SHLD1: variants seen among roughly 807,000 people sequenced by gnomAD.
SHLD1 encodes shieldin complex subunit 1.
Under a neutral mutation model 5.5 loss-of-function variants are expected in SHLD1, and 3 were observed. That is an observed-to-expected ratio of 0.54 (90% CI 0.25 to 1.40). The LOEUF (loss-of-function observed/expected upper bound fraction) is 1.40, where lower values mean the gene tolerates loss of function less well. SHLD1 is among the 40% of genes most tolerant of loss of function. The probability of loss-of-function intolerance (pLI) is 0.15; values close to 1 mark genes in which losing one functional copy is unlikely to be tolerated. For missense variants in SHLD1, 210 were observed against 244.4 expected, an observed-to-expected ratio of 0.86 and a Z score of 0.94; for synonymous variants, 92 against 94.3, an observed-to-expected ratio of 0.98 and a Z score of 0.14.
intron 2 of SHLD1, among the ~76,000 whole-genome samples, chr20:5,841,926 G>C (rs1053661239): frequency 6.6e-6 from 1 of 152,226 alleles, no homozygotes; most frequent in African/African-American, 2.4e-5. Context: ...GGAAGATAAA[G>C]TTACTTAAAA....
intron 1 of SHLD1, among the ~76,000 whole-genome samples, chr20:5,763,290 CAAAAAAAAAAA>C (rs57863188): frequency 6.9e-5 from 4 of 58,120 alleles, no homozygotes; most frequent in Non-Finnish European, 1.4e-4. Flanking sequence ...AACTCCATCT[CAAAAAAAAAAA>C]AAAAAAAAAA....
intron 2 of SHLD1, among the ~76,000 whole-genome samples, chr20:5,825,541 G>A (rs1568521195): frequency 6.6e-6 from 1 of 152,260 alleles, no homozygotes; most frequent in Non-Finnish European, 1.5e-5. Context: ...ATGTTGGCAT[G>A]TGGCTGTAAG....
At chr20:5,769,184 G>A (rs1045676409) in intron 1 of SHLD1, among the ~76,000 whole-genome samples, 9 of 152,226 alleles carry the variant, frequency 5.9e-5, no homozygotes, top group Non-Finnish European at 1.0e-4. Flanking sequence ...TGGAATTACA[G>A]GCGTGAGCCA....
At chr20:5,770,071 C>G (rs535566163) in intron 1 of SHLD1, among the ~76,000 whole-genome samples, 1 of 150,796 alleles carries the variant, frequency 6.6e-6, no homozygotes, top group African/African-American at 2.4e-5. Flanking sequence ...ATGGCGCAGG[C>G]ACTGTTAGTG....
intron 2 of SHLD1, among the ~76,000 whole-genome samples, chr20:5,839,035 G>T (rs2087824067): frequency 6.6e-6 from 1 of 152,214 alleles, no homozygotes; most frequent in South Asian, 2.1e-4. Context: ...AGATTGGACT[G>T]TGGCTCATGC....
chr20:5,766,769 A>G (rs1479962300), intron 1 of SHLD1, among the ~76,000 whole-genome samples: 1 of 152,126 alleles, frequency 6.6e-6, no homozygotes, highest in Non-Finnish European at 1.5e-5. Flanking sequence ...AAAATTAATT[A>G]TATTTTTTCT....
chr20:5,755,402 C>T (rs1984016244), intron 1 of SHLD1, among the ~76,000 whole-genome samples: 1 of 152,110 alleles, frequency 6.6e-6, no homozygotes, highest in Admixed American at 6.6e-5. Context: ...GTGTGTTCCT[C>T]ATGAGAATTT....
intron 2 of SHLD1, among the ~76,000 whole-genome samples, chr20:5,824,505 C>G (rs2087643488): frequency 6.6e-6 from 1 of 152,170 alleles, no homozygotes; most frequent in African/African-American, 2.4e-5. Flanking sequence ...TCCTGTATCT[C>G]CAGCACCTAG....
At chr20:5,835,614 C>T (rs942292035) in intron 2 of SHLD1, among the ~76,000 whole-genome samples, 1 of 152,078 alleles carries the variant, frequency 6.6e-6, no homozygotes, top group African/African-American at 2.4e-5. Flanking sequence ...TGTTTGGCAG[C>T]ATGTGAGTGC....
intron 2 of SHLD1, among the ~76,000 whole-genome samples, chr20:5,846,284 G>A (rs1452846802): frequency 1.3e-5 from 2 of 152,150 alleles, no homozygotes; most frequent in Non-Finnish European, 2.9e-5. Context: ...CAGGAAACGG[G>A]GAATTATCTC....
chr20:5,810,025 G>T (rs1266834985), intron 2 of SHLD1, among the ~76,000 whole-genome samples: 1 of 152,000 alleles, frequency 6.6e-6, no homozygotes, highest in Non-Finnish European at 1.5e-5. Flanking sequence ...TTGGGAGGCC[G>T]AGGCAGGCAG....
rs143807362 is a variant in SHLD1, at chr20:5,817,034, A to T, written c.178+43991A>T. On this transcript the variant is annotated intron_variant, in intron 2 of 2. Transcript: ENST00000303142. ...CAGTGAGCCGAGATTGTGCCACTGCACTCCAGCCTGGGTGACAAAGTGAGA... is the reference window on the plus strand; with the variant it reads ...CAGTGAGCCGAGATTGTGCCACTGCTCTCCAGCCTGGGTGACAAAGTGAGA... 2.3e-3 allele frequency among the ~76,000 whole-genome samples: 345 copies of T among 152,280 alleles called. 3 individuals are homozygous for T. The highest frequency in any genetic ancestry group is 3.1e-3 in the Non-Finnish European group (211 of 68,028).
intron 2 of SHLD1, among the ~76,000 whole-genome samples, chr20:5,805,014 G>A (rs1362798452): frequency 6.6e-6 from 1 of 152,194 alleles, no homozygotes; most frequent in Non-Finnish European, 1.5e-5. Context: ...AACCCCAAAT[G>A]CCCTTTTTGT....
At chr20:5,832,057 C>T (rs2087734590) in intron 2 of SHLD1, among the ~76,000 whole-genome samples, 1 of 152,370 alleles carries the variant, frequency 6.6e-6, no homozygotes, top group African/African-American at 2.4e-5. Context: ...CCTCCCACCT[C>T]AGCCTCGCAG....
At chr20:5,789,111 G>A (rs965094738) in intron 2 of SHLD1, among the ~76,000 whole-genome samples, 2 of 150,946 alleles carry the variant, frequency 1.3e-5, no homozygotes, top group Non-Finnish European at 3.0e-5. Flanking sequence ...CTGGGAGACA[G>A]AGAGAGTGAG....
At chr20:5,778,114 CTTTTTTTTTTTT>C (rs776358532) in intron 2 of SHLD1, among the ~76,000 whole-genome samples, 3 of 111,930 alleles carry the variant, frequency 2.7e-5, no homozygotes, top group African/African-American at 1.0e-4. Context: ...ATCCCTTTTT[CTTTTTTTTTTTT>C]TTTTTTTTGA....
intron 1 of SHLD1, among the ~76,000 whole-genome samples, chr20:5,768,500 G>A (rs1268831284): frequency 6.6e-6 from 1 of 152,238 alleles, no homozygotes; most frequent in Non-Finnish European, 1.5e-5. Context: ...GGAGGGAAGG[G>A]TCTGTGACAT....
intron 1 of SHLD1, among the ~76,000 whole-genome samples, chr20:5,769,375 AG>A (rs1232869508): frequency 6.6e-6 from 1 of 152,256 alleles, no homozygotes; most frequent in Non-Finnish European, 1.5e-5. Flanking sequence ...TGAAGAAAAC[AG>A]GGTAAACAAA....
chr20:5,804,665 A>C (rs1310812391), intron 2 of SHLD1, among the ~76,000 whole-genome samples: 2 of 152,262 alleles, frequency 1.3e-5, no homozygotes, highest in Admixed American at 1.3e-4. Flanking sequence ...CATGAATGCC[A>C]GTGCCACTTT....
Sources: gnomAD v4.1 joint callset for allele counts (sites outside exome capture counted in the v4.1 genomes callset) on GRCh38, gnomAD v4.1.1 for gene constraint, MANE v1.5 for transcripts, NCBI Gene and HGNC (gene_info 2026-07-23, HGNC 2026-07-21) for gene names.